Variants in NOL8 observed in about 807,000 individuals in gnomAD.
The protein encoded by NOL8 is nucleolar protein 8.
In NOL8, 93 loss-of-function variants were observed where a neutral mutation model predicts 116.1. That is an observed-to-expected ratio of 0.80 (90% confidence interval 0.68 to 0.95). The LOEUF is 0.95. Ranked by LOEUF, NOL8 falls within the 40% of genes least tolerant of loss-of-function variation. The pLI is 0.00. For synonymous variants in NOL8, 419 were observed against 469.0 expected (o/e 0.89, Z 1.38); for missense variants, 1,291 against 1,382.8 (o/e 0.93, Z 1.05).
intron 12 of NOL8, among the ~76,000 whole-genome samples, chr9:92,302,585 C>T (rs1393114679): frequency 6.6e-6 from 1 of 152,124 alleles, no homozygotes. Context: ...ACAGATATGC[C>T]TCTTAGGAAA....
intron 4 of NOL8, chr9:92,320,289 A>G: frequency 2.3e-6 from 1 of 425,598 alleles, no homozygotes. Flanking sequence ...CTTCTCAGGC[A>G]TATCCACGCA....
chr9:92,315,081 GT>G lies in NOL8; in HGVS notation c.1543del (p.Thr515ProfsTer35). On this transcript the variant is annotated frameshift_variant, in exon 7 of 17. Coordinates refer to ENST00000442668, the MANE Select transcript of NOL8 (RefSeq NM_017948.6). LOFTEE classifies it high-confidence loss of function. Reference protein sequence around the residue: ...DTKSDGPETTTQCKFDRGSKS... With the variant: ...DTKSDGPETTXQCKFDRGSKS... ...GGAGCCTCTGTCAAACTTGCATTGGGTGGTGGTTTCTGGTCCATCACTCTTA... is the reference window on the plus strand; with the variant it reads ...GGAGCCTCTGTCAAACTTGCATTGGGGGTGGTTTCTGGTCCATCACTCTTA... 6.2e-7 allele frequency: 1 copy of G among 1,614,012 alleles called. No homozygotes were observed. The highest frequency in any genetic ancestry group is 1.3e-5 in the African/African-American group (1 of 75,042).
At chr9:92,320,446 A>T (rs368258612) in intron 4 of NOL8, 23 of 218,394 alleles carry the variant, frequency 1.1e-4, no homozygotes, top group African/African-American at 3.9e-4. Context: ...GAACAAAATC[A>T]AATTCTCACC....
intron 2 of NOL8, 109 bp from the exon 3 acceptor site, chr9:92,323,612 CTTA>C (rs896618504): frequency 5.9e-6 from 5 of 847,792 alleles, no homozygotes; most frequent in African/African-American, 5.2e-5. Flanking sequence ...CTCTTGAAAA[CTTA>C]TTATTTCAAA....
At chr9:92,320,404 C>G (rs1187884946) in intron 4 of NOL8, 1 of 303,160 alleles carries the variant, frequency 3.3e-6, no homozygotes, top group Non-Finnish European at 6.6e-6. Flanking sequence ...GGTATATAAC[C>G]ACCCTGTTCA....
At chr9:92,299,617 T>C (rs1248977664) in intron 14 of NOL8, among the ~76,000 whole-genome samples, 1 of 151,994 alleles carries the variant, frequency 6.6e-6, no homozygotes, top group South Asian at 2.1e-4. Flanking sequence ...CAGGTGTGGT[T>C]GGCACGTGCC....
In NOL8 at chr9:92,307,023, C is replaced by G. The variant is rs919079746; in HGVS notation, c.2688G>C (p.Glu896Asp). The G allele has an allele frequency of 1.2e-6, 2 of 1,607,058 alleles. No homozygotes were observed. Among genetic ancestry groups the G allele is most frequent in the Non-Finnish European group, 1.7e-6 (2 of 1,178,454 alleles). Reference sequence around the variant, plus strand: ...CCTCAGCAGTTTTCTTTTCATTTACCTCTTTGAGGAAAAGGGATAATTAAT... The same window carrying G: ...CCTCAGCAGTTTTCTTTTCATTTACGTCTTTGAGGAAAAGGGATAATTAAT... ...LETDSEEEQE[E>D]VNEKKTAEEE... is the part of the protein sequence containing the mutation. The change falls in exon 11 of 17, where the codon GAG becomes GAC. Residue 896 changes from glutamate (E) to aspartate (D), a missense_variant and splice_region_variant. Coordinates refer to ENST00000442668, the MANE Select transcript of NOL8 (RefSeq NM_017948.6).
Position 92,301,992 on chromosome 9 carries a change from A to T in NOL8, c.2904-170T>A, listed in dbSNP as rs538786649. On this transcript the variant is annotated intron_variant, in intron 12 of 16. Transcript: ENST00000442668. ...ATAAAATAAGTAAAACTCTACATAT[A>T]GAACTCTACTAATAGAAGCAAAATC... Among the ~76,000 whole-genome samples the T allele has an allele frequency of 1.6e-4, 24 of 152,348 alleles. No homozygotes were observed. The East Asian group carries it at 4.2e-3, about 27-fold the overall frequency.
chr9:92,309,706 T>C (rs756488094), intron 10 of NOL8, among the ~76,000 whole-genome samples: 3 of 152,188 alleles, frequency 2.0e-5, no homozygotes, highest in African/African-American at 7.2e-5. Context: ...TCATTACTCT[T>C]AGATACATTC....
In NOL8 at chr9:92,314,760, C is replaced by G. The variant is rs1421767929; in HGVS notation, c.1865G>C (p.Gly622Ala). The change falls in exon 7 of 17, where the codon GGC (glycine) becomes GCC (alanine). Residue 622 changes from glycine (G) to alanine (A), a missense_variant. Gly to Ala is a moderately conservative substitution (Grantham distance 60, BLOSUM62 0). Transcript: ENST00000442668. ...SMEDGSPYVNGSLGEVTPCQH... is the reference protein window; with the variant it reads ...SMEDGSPYVNASLGEVTPCQH... ...GCATGGAGTCACTTCACCTAATGAG[C>G]CATTAACATATGGGGACCCATCTTC... 1 of 1,613,832 alleles carries G rather than the reference C, an allele frequency of 6.2e-7. No individual in the cohort carries two copies. Among genetic ancestry groups the G allele is most frequent in the East Asian group, 2.2e-5 (1 of 44,886 alleles).
rs760867600 is a variant in NOL8, at chr9:92,315,583, G to A, written c.1042C>T (p.Leu348=). Residue 348 remains leucine, a synonymous_variant, in exon 7 of 17, where the codon CTG becomes TTG. Transcript: ENST00000442668. ...RDDFKSGVHK[L]HSLIGLGIKN... is the part of the protein sequence containing the mutation. The stretch of plus-strand genomic sequence containing the variant: ...ATACCTAAACCTATTAAAGAATGCA[G>A]TTTGTGAACGCCTGATTTGAAATCA... 7 of 1,612,736 alleles carry A rather than the reference G, an allele frequency of 4.3e-6. No individual in the cohort carries two copies. The highest frequency in any genetic ancestry group is 1.1e-5 in the South Asian group (1 of 90,940).
At chr9:92,325,263 G>A (rs1840373030) in intron 1 of NOL8, 43 bp downstream of exon 1, 1 of 152,242 alleles carries the variant, frequency 6.6e-6, no homozygotes, top group African/African-American at 2.4e-5. Context: ...GAGAGACTAG[G>A]AAACGGCCCT....
In NOL8 at chr9:92,316,144, G is replaced by C. The variant is rs368577569; in HGVS notation, c.487-6C>G. The C allele has an allele frequency of 1.2e-6, 2 of 1,602,574 alleles. No homozygotes were observed. Among genetic ancestry groups the C allele is most frequent in the Non-Finnish European group, 8.5e-7 (1 of 1,174,324 alleles). Reference sequence around the variant, plus strand: ...GAGGGATCATATTTGATGATGTTACGCAAGTCAAGAAACAAAACTAAAGCA... The same window carrying C: ...GAGGGATCATATTTGATGATGTTACCCAAGTCAAGAAACAAAACTAAAGCA... On this transcript the variant is annotated splice_polypyrimidine_tract_variant and splice_region_variant and intron_variant, in intron 6 of 16. Coordinates refer to ENST00000442668, the MANE Select transcript of NOL8 (RefSeq NM_017948.6).
Position 92,310,642 on chromosome 9 carries a change from C to A in NOL8, c.2506G>T (p.Asp836Tyr), listed in dbSNP as rs1162170691. The A allele has an allele frequency of 2.5e-6, 4 of 1,612,134 alleles. No individual in the cohort carries two copies. In the East Asian group the frequency reaches 8.9e-5, roughly 36 times the overall value. ...TCAGATTCGTCATCATCACTGCTATCAAACAGCTTCCCTGATGTTTTACCC... is the reference window on the plus strand; with the variant it reads ...TCAGATTCGTCATCATCACTGCTATAAAACAGCTTCCCTGATGTTTTACCC... ...SMGKTSGKLF[D>Y]SSDDDESDSE... Residue 836 changes from aspartate (D) to tyrosine (Y), a missense_variant, in exon 9 of 17, where the codon GAT (aspartate) becomes TAT (tyrosine). Physicochemically the swap from Asp to Tyr is radical, Grantham distance 160. Coordinates refer to ENST00000442668, the MANE Select transcript of NOL8 (RefSeq NM_017948.6).
At chr9:92,320,341 A>G (rs561386305) in intron 4 of NOL8, 13 of 369,468 alleles carry the variant, frequency 3.5e-5, no homozygotes, top group Non-Finnish European at 6.4e-5. Flanking sequence ...CCTGCTCAGC[A>G]TGGGGCTCTA....
At chr9:92,316,408 GATTAT>G (rs781313267) in intron 6 of NOL8, among the ~76,000 whole-genome samples, 1 of 152,088 alleles carries the variant, frequency 6.6e-6, no homozygotes, top group Non-Finnish European at 1.5e-5. Flanking sequence ...AACCTATTCA[GATTAT>G]ATTATAGGTA....
At chr9:92,311,401 CAAAGT>C (rs1564220548) in intron 7 of NOL8, 142 bp from the exon 8 acceptor site, 4 of 589,220 alleles carry the variant, frequency 6.8e-6, no homozygotes, top group Middle Eastern at 4.2e-4. Flanking sequence ...AACTTATCAA[CAAAGT>C]AAACAGACAA....
chr9:92,312,488 G>C (rs1838901437), intron 7 of NOL8, among the ~76,000 whole-genome samples: 1 of 150,004 alleles, frequency 6.7e-6, no homozygotes, highest in South Asian at 2.1e-4. Flanking sequence ...ATCAACACTG[G>C]GGTCTACTTG....
chr9:92,302,936 C>T (rs1019072945), intron 12 of NOL8, among the ~76,000 whole-genome samples: 4 of 152,138 alleles, frequency 2.6e-5, no homozygotes, highest in Non-Finnish European at 5.9e-5. Flanking sequence ...AAGAGGGAAT[C>T]CTTGTTACAT....
Sources: gnomAD v4.1 joint callset for allele counts (sites outside exome capture counted in the v4.1 genomes callset) on GRCh38, gnomAD v4.1.1 for gene constraint, MANE v1.5 for transcripts, NCBI Gene and HGNC (gene_info 2026-07-23, HGNC 2026-07-21) for gene names.